Variants in ASPG observed in about 807,000 individuals in gnomAD.
ASPG encodes the protein asparaginase, also known as 60 kDa lysophospholipase.
A neutral mutation model predicts 63.2 loss-of-function variants in ASPG; 53 were observed. That is an observed-to-expected ratio of 0.84 (90% CI 0.67 to 1.05). The LOEUF is 1.05. ASPG is among the 50% of genes least tolerant of loss of function. The probability of loss-of-function intolerance (pLI) is 0.00; values close to 1 mark genes in which losing one functional copy is unlikely to be tolerated. For missense variants in ASPG, 741 were observed against 794.4 expected, an observed-to-expected ratio of 0.93 and a Z score of 0.81; for synonymous variants, 370 against 355.0, an observed-to-expected ratio of 1.04 and a Z score of -0.48.
chr14:104,106,229 C>T (rs2037120952), intron 10 of ASPG, among the ~76,000 whole-genome samples: 2 of 152,256 alleles, frequency 1.3e-5, no homozygotes, highest in African/African-American at 2.4e-5. Flanking sequence ...CACCAGGCCA[C>T]GTTGTACCCG....
At chr14:104,106,297 G>A (rs188858398) in intron 10 of ASPG, among the ~76,000 whole-genome samples, 2 of 152,384 alleles carry the variant, frequency 1.3e-5, no homozygotes, top group East Asian at 3.9e-4. Flanking sequence ...GGTGGCCCCT[G>A]TGGGGCCTCT....
chr14:104,093,821 C>T (rs1450356401), intron 3 of ASPG, among the ~76,000 whole-genome samples: 1 of 85,620 alleles, frequency 1.2e-5, no homozygotes, highest in African/African-American at 4.6e-5. Context: ...GTGGGTGAGG[C>T]TGTGGAGTGT....
Position 104,095,522 on chromosome 14 carries a change from C to T in ASPG, c.304-9C>T. The T allele has an allele frequency of 6.2e-7, 1 of 1,612,634 alleles. No individual in the cohort carries two copies. The highest frequency in any genetic ancestry group is 1.1e-5 in the South Asian group (1 of 91,084). On this transcript the variant is annotated splice_polypyrimidine_tract_variant and intron_variant, in intron 3 of 15. Transcript: ENST00000551177. The stretch of plus-strand genomic sequence containing the variant: ...GGCTGGCCTGCCTGAGCATGCGCCC[C>T]TCCTGCAGAGGCACTACGAGCAGTA...
At chr14:104,112,083 C>T (rs2037400506) in intron 15 of ASPG, 83 bp downstream of exon 15, 3 of 1,319,486 alleles carry the variant, frequency 2.3e-6, no homozygotes, top group Non-Finnish European at 3.1e-6. Context: ...GGGGCGTAAT[C>T]AAGGGGAACA....
At chr14:104,105,180 C>G in intron 9 of ASPG, 148 bp from the exon 10 acceptor site, 1 of 1,282,834 alleles carries the variant, frequency 7.8e-7, no homozygotes, top group African/African-American at 1.5e-5. Context: ...GGACCCAGCC[C>G]GCTCTGGCCC....
intron 6 of ASPG, among the ~76,000 whole-genome samples, chr14:104,101,461 G>A (rs1318589517): frequency 2.6e-5 from 4 of 152,102 alleles, no homozygotes; most frequent in South Asian, 2.1e-4. Context: ...CAGTCGGCTC[G>A]GCGCCAAGGG....
chr14:104,111,922 A>G lies in ASPG; in HGVS notation c.1623A>G (p.Ala541=), dbSNP rs752390811. 6 of 1,553,506 alleles carry G rather than the reference A, an allele frequency of 3.9e-6. No individual in the cohort carries two copies. The highest frequency in any genetic ancestry group is 3.4e-4 in the Middle Eastern group (2 of 5,888). ...CCCTCCCCACTGCTTCCCCATAGGC[A>G]GAGGCAGCCGGGAACCTGGCAGTGG... is the stretch of plus-strand genomic sequence containing the variant. ...GYDGHSALHV[A]EAAGNLAVVA... is the part of the protein sequence containing the mutation. Residue 541 remains alanine, a splice_region_variant and synonymous_variant, in exon 15 of 16, where the codon GCA becomes GCG. Coordinates refer to ENST00000551177, the MANE Select transcript of ASPG (RefSeq NM_001080464.3).
At position 104,097,605 on chromosome 14, in the gene ASPG, C is replaced by T; in HGVS notation, c.481C>T (p.Leu161=). 6.4e-7 allele frequency: 1 copy of T among 1,565,034 alleles called. No individual in the cohort carries two copies. Among genetic ancestry groups the T allele is most frequent in the Non-Finnish European group, 8.7e-7 (1 of 1,155,620 alleles). ...SDGRENLLGA[L]LMAGQYVIPE... ...CGGCCGTGAGAACCTGCTGGGGGCA[C>T]TGCTCATGGCTGGCCAGTATGTGAT... is the stretch of plus-strand genomic sequence containing the variant. The change falls in exon 5 of 16, where the codon CTG becomes TTG. Residue 161 remains leucine, a synonymous_variant. Transcript: ENST00000551177.
In ASPG at chr14:104,100,608, G is replaced by A. The variant is rs916192620; in HGVS notation, c.640+1629G>A. Reference sequence around the variant, plus strand: ...GGCTCACACCCTGTCCCTTCTTCCTGCTGCTCCCTGGAGCACCTTCTAGGG... The same window carrying A: ...GGCTCACACCCTGTCCCTTCTTCCTACTGCTCCCTGGAGCACCTTCTAGGG... On this transcript the variant is annotated intron_variant, in intron 6 of 15. Coordinates refer to ENST00000551177, the MANE Select transcript of ASPG (RefSeq NM_001080464.3). 3.9e-5 allele frequency among the ~76,000 whole-genome samples: 6 copies of A among 152,144 alleles called. No individual in the cohort carries two copies. In the East Asian group the frequency reaches 9.7e-4, roughly 24 times the overall value.
At chr14:104,111,372 G>A in intron 13 of ASPG, 130 bp from the exon 14 acceptor site, 1 of 1,028,708 alleles carries the variant, frequency 9.7e-7, no homozygotes, top group Non-Finnish European at 1.4e-6. Context: ...CCCAGGACCA[G>A]GTCGCTGCTG....
Position 104,107,287 on chromosome 14 carries a change from G to T in ASPG, c.1375G>T (p.Asp459Tyr), listed in dbSNP as rs371039696. ...CACCATGCTGCTGCAGAGAGGTGTG[G>T]ACGTGAACACCCGGGACACGGATGG... ...AVTMLLQRGV[D>Y]VNTRDTDGFS... The change falls in exon 12 of 16, where the codon GAC becomes TAC. Residue 459 changes from aspartate (D) to tyrosine (Y), a missense_variant. Transcript: ENST00000551177. 22 of 1,608,298 alleles carry T rather than the reference G, an allele frequency of 1.4e-5. No homozygotes were observed. The African/African-American group carries it at 2.7e-4, about 20-fold the overall frequency.
rs1285655145 is a variant in ASPG, at chr14:104,113,653, G to C, written c.*1109G>C. ...GGACTGGAGCCCCAGGAGGGCAAAA[G>C]CATGACCCCAGAGCTGGCCCTTGGC... On this transcript the variant is annotated 3_prime_UTR_variant, in exon 16 of 16. Transcript: ENST00000551177. 2 of 152,330 alleles carry C rather than the reference G, an allele frequency of 1.3e-5. No homozygotes were observed. The highest frequency in any genetic ancestry group is 1.3e-4 in the Admixed American group (2 of 15,292). 9.4% of individuals were successfully genotyped at this position (152,330 alleles called of 1,614,324 possible).
At chr14:104,107,408 C>G in intron 12 of ASPG, 63 bp downstream of exon 12, 2 of 1,306,912 alleles carry the variant, frequency 1.5e-6, no homozygotes, top group Non-Finnish European at 2.0e-6. Flanking sequence ...GCTGTGGGCT[C>G]CTGCACTCAA....
intron 6 of ASPG, among the ~76,000 whole-genome samples, chr14:104,101,308 T>C (rs1365053785): frequency 6.6e-6 from 1 of 152,074 alleles, no homozygotes; most frequent in Non-Finnish European, 1.5e-5. Flanking sequence ...CTGAGCCAGC[T>C]GGGGGTAGCA....
intron 9 of ASPG, 116 bp from the exon 10 acceptor site, chr14:104,105,212 C>T (rs954924616): frequency 1.2e-5 from 18 of 1,520,242 alleles, no homozygotes; most frequent in Admixed American, 1.8e-5. Flanking sequence ...CACACACGGC[C>T]GAGGCTCAGG....
chr14:104,100,643 C>T (rs542363578), intron 6 of ASPG, among the ~76,000 whole-genome samples: 1 of 152,162 alleles, frequency 6.6e-6, no homozygotes, highest in Non-Finnish European at 1.5e-5. Context: ...GAGTGTGAGG[C>T]CCAGAACACA....
chr14:104,097,945 G>A (rs1427203395), intron 5 of ASPG, among the ~76,000 whole-genome samples: 92 of 109,028 alleles, frequency 8.4e-4, no homozygotes, highest in African/African-American at 3.3e-3. Flanking sequence ...TGGAGGTTCT[G>A]TGTTAGAGAT....
At position 104,106,035 on chromosome 14, in the gene ASPG, C is replaced by T. The variant is rs998770100; in HGVS notation, c.1173+585C>T. Among the ~76,000 whole-genome samples, 6 of 152,250 alleles carry T rather than the reference C, an allele frequency of 3.9e-5. 1 individual carries two copies. The highest frequency in any genetic ancestry group is 1.9e-4 in the East Asian group (1 of 5,202). ...CTCCCCACTGTGTGGGGTCCTGCCC[C>T]GGCCTCAGTGCCTCGGTTTCCCCCT... On this transcript the variant is annotated intron_variant, in intron 10 of 15. Coordinates refer to ENST00000551177, the MANE Select transcript of ASPG (RefSeq NM_001080464.3).
rs371085351 is a variant in ASPG, at chr14:104,111,537, TGTG to T, written c.1561_1563del (p.Trp521del). 99 of 1,551,946 alleles carry T rather than the reference TGTG, an allele frequency of 6.4e-5. No homozygotes were observed. In the African/African-American group the frequency reaches 1.0e-3, roughly 16 times the overall value. Reference sequence around the variant, plus strand: ...AGGGCCGACCTCGAAGGCCTGCAGGTGTGGTGGCAGGCAGGGGCTGACCTGGGG... The same window carrying T: ...AGGGCCGACCTCGAAGGCCTGCAGGTGTGGCAGGCAGGGGCTGACCTGGGG... On this transcript the variant is annotated inframe_deletion, in exon 14 of 16. Coordinates refer to ENST00000551177, the MANE Select transcript of ASPG (RefSeq NM_001080464.3).
Sources: allele counts gnomAD v4.1 joint callset (sites outside exome capture counted in the v4.1 genomes callset), GRCh38; gene constraint gnomAD v4.1.1; transcripts MANE v1.5; gene names NCBI Gene and HGNC (gene_info 2026-07-23, HGNC 2026-07-21).